Variants in DLG2 observed in about 807,000 individuals in gnomAD.
DLG2 encodes discs large MAGUK scaffold protein 2.
A neutral mutation model predicts 132.5 loss-of-function variants in DLG2; 45 were observed. That is an observed-to-expected ratio of 0.34 (90% confidence interval 0.27 to 0.44). The LOEUF (loss-of-function observed/expected upper bound fraction) is 0.44. DLG2 is among the 20% of genes least tolerant of loss of function. DLG2 has a pLI of 1.00. For synonymous variants in DLG2, 424 were observed against 419.6 expected, an observed-to-expected ratio of 1.01 and a Z score of -0.13; for missense variants, 1,045 against 1,196.9, an observed-to-expected ratio of 0.87 and a Z score of 1.87.
At chr11:84,038,466 G>C (rs996109020) in intron 11 of DLG2, among the ~76,000 whole-genome samples, 3 of 151,852 alleles carry the variant, frequency 2.0e-5, no homozygotes, top group Admixed American at 6.6e-5. Context: ...ACACCAGTCG[G>C]AATGGCTATT....
At chr11:83,621,450 C>A (rs955130934) in intron 19 of DLG2, among the ~76,000 whole-genome samples, 4 of 152,058 alleles carry the variant, frequency 2.6e-5, no homozygotes, top group Admixed American at 1.3e-4. Flanking sequence ...GGCCAAGAGG[C>A]AGAAACTTTT....
intron 7 of DLG2, among the ~76,000 whole-genome samples, chr11:84,522,969 C>T (rs1204420870): frequency 1.3e-5 from 2 of 152,122 alleles, no homozygotes; most frequent in Non-Finnish European, 2.9e-5. Context: ...TCATTTGCTA[C>T]AATTTGAGCT....
intron 18 of DLG2, among the ~76,000 whole-genome samples, chr11:83,702,147 T>C (rs1035094273): frequency 1.3e-5 from 2 of 152,186 alleles, no homozygotes; most frequent in African/African-American, 2.4e-5. Flanking sequence ...AAATTCCCCT[T>C]AACTTTCACT....
chr11:85,524,546 G>T lies in DLG2; in HGVS notation c.40+74111C>A, dbSNP rs76211531. On this transcript the variant is annotated intron_variant, in intron 3 of 27. Transcript: ENST00000376104. ...CTTGCTTTGTTGACCAGGGTGGAATGCAGTGGCATGATCCCAGCTCACAGC... is the reference window on the plus strand; with the variant it reads ...CTTGCTTTGTTGACCAGGGTGGAATTCAGTGGCATGATCCCAGCTCACAGC... 8.9e-3 allele frequency among the ~76,000 whole-genome samples: 1,358 copies of T among 152,256 alleles called. 18 individuals are homozygous for T. Among genetic ancestry groups the T allele is most frequent in the African/African-American group, 0.029 (1,210 of 41,548 alleles).
rs571842337 is a variant in DLG2, at chr11:84,259,815, TCG to T, written c.520-8526_520-8525del. On this transcript the variant is annotated intron_variant, in intron 7 of 27. Transcript: ENST00000376104. ...AACAAAACTAATAACAGTAAGTAAC[TCG>T]CCCAAGGTCATTCAGCTGGTAATAG... Among the ~76,000 whole-genome samples the T allele has an allele frequency of 1.2e-3, 179 of 152,244 alleles. 2 individuals carry two copies. The highest frequency in any genetic ancestry group is 4.1e-3 in the African/African-American group (172 of 41,542).
At chr11:85,107,138 T>C (rs1271484007) in intron 6 of DLG2, among the ~76,000 whole-genome samples, 1 of 152,024 alleles carries the variant, frequency 6.6e-6, no homozygotes. Context: ...GCTTATAGTA[T>C]TATATAGTGA....
intron 8 of DLG2, among the ~76,000 whole-genome samples, chr11:84,204,473 G>C (rs1318185269): frequency 1.3e-5 from 2 of 152,012 alleles, no homozygotes; most frequent in Non-Finnish European, 2.9e-5. Context: ...TTCAATACAG[G>C]AAGATAAAAT....
At chr11:84,979,720 G>A (rs931253024) in intron 6 of DLG2, among the ~76,000 whole-genome samples, 8 of 151,976 alleles carry the variant, frequency 5.3e-5, no homozygotes, top group Admixed American at 2.0e-4. Flanking sequence ...ACAAGTTAAC[G>A]GGTGCAGCAC....
intron 19 of DLG2, among the ~76,000 whole-genome samples, chr11:83,567,656 C>G (rs965784103): frequency 6.6e-6 from 1 of 152,054 alleles, no homozygotes; most frequent in Non-Finnish European, 1.5e-5. Flanking sequence ...AGGACTTAAT[C>G]CCAAGAAGAA....
At chr11:84,723,009 C>T (rs925616070) in intron 6 of DLG2, among the ~76,000 whole-genome samples, 3 of 152,260 alleles carry the variant, frequency 2.0e-5, no homozygotes, top group East Asian at 3.9e-4. Context: ...TTAAGTATAT[C>T]CTTTACCATT....
intron 6 of DLG2, among the ~76,000 whole-genome samples, chr11:84,840,149 A>G (rs1392767131): frequency 6.6e-6 from 1 of 152,126 alleles, no homozygotes; most frequent in Admixed American, 6.6e-5. Context: ...ACAAGAAAAA[A>G]TCAAACAACC....
At chr11:84,234,470 A>C (rs575982392) in intron 8 of DLG2, among the ~76,000 whole-genome samples, 5 of 152,284 alleles carry the variant, frequency 3.3e-5, no homozygotes, top group Admixed American at 3.3e-4. Context: ...CTTTCACCCC[A>C]TGTGTCCCAG....
chr11:83,906,047 C>CG (rs1285468180), intron 15 of DLG2, among the ~76,000 whole-genome samples: 2 of 127,172 alleles, frequency 1.6e-5, no homozygotes, highest in Non-Finnish European at 3.2e-5. Flanking sequence ...AGATGTCTGT[C>CG]TGTCTGTCTC....
rs544105695 is a variant in DLG2, at chr11:83,702,042, A to G, written c.1826-68717T>C. Reference sequence around the variant, plus strand: ...ATTTTGTGCTTTCTTTGTCAGCTGTATAAGATACCTGCTGAAAGAGTATCT... The same window carrying G: ...ATTTTGTGCTTTCTTTGTCAGCTGTGTAAGATACCTGCTGAAAGAGTATCT... On this transcript the variant is annotated intron_variant, in intron 18 of 27. Coordinates refer to ENST00000376104, the MANE Select transcript of DLG2 (RefSeq NM_001142699.3). Among the ~76,000 whole-genome samples the G allele has an allele frequency of 2.0e-5, 3 of 152,364 alleles. No individual in the cohort carries two copies. In the South Asian group the frequency reaches 6.2e-4, roughly 32 times the overall value.
At chr11:83,955,396 A>G (rs979976656) in intron 14 of DLG2, among the ~76,000 whole-genome samples, 3 of 152,260 alleles carry the variant, frequency 2.0e-5, no homozygotes, top group African/African-American at 7.2e-5. Flanking sequence ...GTTTTCCACC[A>G]TACTTGACTA....
intron 15 of DLG2, among the ~76,000 whole-genome samples, chr11:83,925,296 G>A (rs1457956593): frequency 6.6e-6 from 1 of 152,090 alleles, no homozygotes; most frequent in East Asian, 1.9e-4. Context: ...GCTATAAAAG[G>A]TTGCTTCTCA....
intron 18 of DLG2, among the ~76,000 whole-genome samples, chr11:83,757,520 C>T: frequency 6.6e-6 from 1 of 152,148 alleles, no homozygotes; most frequent in East Asian, 1.9e-4. Flanking sequence ...AGGGACAACC[C>T]ACCATGTTGT....
At chr11:84,140,419 C>G (rs117431177) in intron 9 of DLG2, among the ~76,000 whole-genome samples, 11 of 152,168 alleles carry the variant, frequency 7.2e-5, no homozygotes, top group Non-Finnish European at 1.6e-4. Flanking sequence ...ATGCTGCATG[C>G]ATACAACTAA....
intron 9 of DLG2, among the ~76,000 whole-genome samples, chr11:84,135,571 T>C (rs1447928250): frequency 6.6e-6 from 1 of 151,928 alleles, no homozygotes; most frequent in Non-Finnish European, 1.5e-5. Context: ...GAGCAGGCAG[T>C]AGTCAGGCAA....
Sources: allele counts gnomAD v4.1 joint callset (sites outside exome capture counted in the v4.1 genomes callset), GRCh38; gene constraint gnomAD v4.1.1; transcripts MANE v1.5; gene names NCBI Gene and HGNC (gene_info 2026-07-23, HGNC 2026-07-21).